The following USP22 variants were observed in gnomAD, a reference collection of about 807,000 sequenced individuals.
USP22 encodes ubiquitin carboxyl-terminal hydrolase 22.
A neutral mutation model predicts 68.1 loss-of-function variants in USP22; 22 were observed. The observed-to-expected ratio is 0.32, with a 90% CI of 0.23 to 0.46. The LOEUF is 0.46. Among genes scored for constraint, USP22 ranks in the 20% least tolerant of loss-of-function variants. The pLI, the probability that USP22 is intolerant of heterozygous loss-of-function variation, is 1.00. For missense variants in USP22, 433 were observed against 695.8 expected, an observed-to-expected ratio of 0.62 and a Z score of 4.25; for synonymous variants, 279 against 274.2, an observed-to-expected ratio of 1.02 and a Z score of -0.17.
intron 1 of USP22, among the ~76,000 whole-genome samples, chr17:21,039,785 T>A (rs943764423): frequency 6.6e-5 from 10 of 152,234 alleles, no homozygotes; most frequent in African/African-American, 2.2e-4. Flanking sequence ...AAAGTACCTT[T>A]GTTTGTTTAC....
chr17:21,033,818 C>G (rs4985822), intron 1 of USP22, among the ~76,000 whole-genome samples: 150,611 of 151,718 alleles, frequency 0.99, 74,795 homozygotes, highest in Middle Eastern at 1. Flanking sequence ...GCGTAATCTC[C>G]GCTAACTGCA....
chr17:21,007,351 C>G (rs1385399788), intron 9 of USP22, among the ~76,000 whole-genome samples: 3 of 152,176 alleles, frequency 2.0e-5, no homozygotes, highest in Non-Finnish European at 2.9e-5. Flanking sequence ...TTGCCTAGAT[C>G]AGGAGTCACC....
intron 12 of USP22, among the ~76,000 whole-genome samples, 173 bp from the exon 13 acceptor site, chr17:21,003,246 G>A (rs1913654007): frequency 1.3e-5 from 2 of 151,924 alleles, no homozygotes; most frequent in African/African-American, 2.4e-5. Flanking sequence ...TCACTGGCTG[G>A]TGGCACTGGC....
At chr17:21,014,979 AG>A (rs2143558829) in intron 6 of USP22, among the ~76,000 whole-genome samples, 1 of 152,280 alleles carries the variant, frequency 6.6e-6, no homozygotes, top group African/African-American at 2.4e-5. Context: ...CACGGGCTTT[AG>A]GAAGACCTGC....
chr17:21,023,791 C>A (rs921972567), intron 2 of USP22, among the ~76,000 whole-genome samples: 3 of 152,168 alleles, frequency 2.0e-5, no homozygotes, highest in Non-Finnish European at 2.9e-5. Context: ...CAGCTGTGCA[C>A]CTTTCATCAA....
At position 21,007,473 on chromosome 17, in the gene USP22, G is replaced by A. The variant is rs182384980; in HGVS notation, c.1230+397C>T. ...TGATCGCACGCAGCCTGTGGAGCTC[G>A]ACATCTTCAGTTATCTGGGCCTTTA... On this transcript the variant is annotated intron_variant, in intron 9 of 12. Coordinates refer to ENST00000261497, the MANE Select transcript of USP22 (RefSeq NM_015276.2). Among the ~76,000 whole-genome samples, 60 of 152,292 alleles carry A rather than the reference G, an allele frequency of 3.9e-4. No homozygotes were observed. The East Asian group carries it at 0.011, about 27-fold the overall frequency.
At chr17:21,005,136 A>G (rs1459112723) in intron 10 of USP22, 146 bp from the exon 11 acceptor site, 3 of 912,510 alleles carry the variant, frequency 3.3e-6, no homozygotes, top group South Asian at 3.1e-5. Flanking sequence ...AAATCTCCCC[A>G]TGTTTCGTGA....
At chr17:21,028,491 G>A (rs1205738466) in intron 2 of USP22, 51 bp downstream of exon 2, 5 of 1,598,670 alleles carry the variant, frequency 3.1e-6, no homozygotes, top group African/African-American at 2.7e-5. Flanking sequence ...AAATCAAAGA[G>A]TAGCAATTTG....
At position 21,017,935 on chromosome 17, in the gene USP22, C is replaced by T. The variant is rs371124581; in HGVS notation, c.690+7G>A. 5.0e-6 allele frequency: 8 copies of T among 1,613,556 alleles called. No homozygotes were observed. Among genetic ancestry groups the T allele is most frequent in the African/African-American group, 1.3e-5 (1 of 74,882 alleles). ...AATGTTCCCCTGCAGAAGTCAATGG[C>T]GCTCACCTCCTGAAACAGTGAGGAC... is the stretch of plus-strand genomic sequence containing the variant. On this transcript the variant is annotated splice_region_variant and intron_variant, in intron 5 of 12. Transcript: ENST00000261497.
Position 21,000,513 on chromosome 17 carries a change from C to A in USP22, c.*2518G>T, listed in dbSNP as rs1913527108. ...TGTGACTCCATCTCTCTTCCCAGTT[C>A]TAATGTTCTCAGAACAGCAGCCACC... On this transcript the variant is annotated 3_prime_UTR_variant, in exon 13 of 13. Coordinates refer to ENST00000261497, the MANE Select transcript of USP22 (RefSeq NM_015276.2). 1 of 152,252 alleles carries A rather than the reference C, an allele frequency of 6.6e-6. No individual in the cohort carries two copies. Among genetic ancestry groups the A allele is most frequent in the Non-Finnish European group, 1.5e-5 (1 of 68,092 alleles). 9.4% of individuals were successfully genotyped at this position (152,252 alleles called of 1,614,324 possible). A position where few individuals can be genotyped will look rare whatever the true frequency, so the allele number is the denominator to read the frequency against.
intron 6 of USP22, among the ~76,000 whole-genome samples, chr17:21,014,936 C>T (rs1914083742): frequency 6.6e-6 from 1 of 151,146 alleles, no homozygotes. Flanking sequence ...GAAGCCCCTG[C>T]CCCCCACAGA....
chr17:21,028,689 A>C lies in USP22; in HGVS notation c.172-15T>G, dbSNP rs1228304774. ...CAGGACTTGGCCTGAAATTCAGAGA[A>C]GAGGAGGAGTGAACGCTGTGTGATA... On this transcript the variant is annotated splice_polypyrimidine_tract_variant and intron_variant, in intron 1 of 12. Coordinates refer to ENST00000261497, the MANE Select transcript of USP22 (RefSeq NM_015276.2). The C allele has an allele frequency of 6.2e-7, 1 of 1,612,988 alleles. No individual in the cohort carries two copies. The highest frequency in any genetic ancestry group is 8.5e-7 in the Non-Finnish European group (1 of 1,179,840).
rs149456701 is a variant in USP22, at chr17:21,007,216, C to T, written c.1231-229G>A. On this transcript the variant is annotated intron_variant, in intron 9 of 12. Coordinates refer to ENST00000261497, the MANE Select transcript of USP22 (RefSeq NM_015276.2). ...AAATGATGGGACTGTTCAGTGGTAA[C>T]ACCAAGGGTACAAAAAGTAATCTTA... is the stretch of plus-strand genomic sequence containing the variant. Among the ~76,000 whole-genome samples, 679 of 152,316 alleles carry T rather than the reference C, an allele frequency of 4.5e-3. 8 individuals carry two copies. Among genetic ancestry groups the T allele is most frequent in the African/African-American group, 0.015 (644 of 41,558 alleles).
rs118156562 is a variant in USP22 at position 21,017,299 on chromosome 17, C to T, written c.690+643G>A. On this transcript the variant is annotated intron_variant, in intron 5 of 12. Coordinates refer to ENST00000261497, the MANE Select transcript of USP22 (RefSeq NM_015276.2). ...TGTTGGCTGGCTCCTGTGCAAGGCA[C>T]CTGAAGAACAGGCACCAGCCTGCTT... Among the ~76,000 whole-genome samples, 82 of 152,288 alleles carry T rather than the reference C, an allele frequency of 5.4e-4. 1 individual carries two copies. The East Asian group carries it at 0.014, about 27-fold the overall frequency.
At chr17:21,033,511 G>A (rs1308376143) in intron 1 of USP22, among the ~76,000 whole-genome samples, 1 of 152,078 alleles carries the variant, frequency 6.6e-6, no homozygotes, top group Admixed American at 6.5e-5. Flanking sequence ...CAGAGCCCTT[G>A]TAGTCAACCA....
At chr17:21,006,745 T>G in intron 10 of USP22, 151 bp downstream of exon 10, 1 of 499,742 alleles carries the variant, frequency 2.0e-6, no homozygotes, top group South Asian at 3.3e-5. Context: ...CCTCATGATC[T>G]GCCCGCTTCG....
rs115864171 is a variant in USP22 at position 21,034,624 on chromosome 17, T to C, written c.172-5950A>G. Among the ~76,000 whole-genome samples the C allele has an allele frequency of 6.8e-3, 1,041 of 152,312 alleles. 12 individuals are homozygous for C. The highest frequency in any genetic ancestry group is 0.023 in the African/African-American group (972 of 41,570). Reference sequence around the variant, plus strand: ...CTTTGTCCAGCTTCTCCGTGCCATCTAGGCCACCTGCCCGTTAAGTCACTT... The same window carrying C: ...CTTTGTCCAGCTTCTCCGTGCCATCCAGGCCACCTGCCCGTTAAGTCACTT... On this transcript the variant is annotated intron_variant, in intron 1 of 12. Coordinates refer to ENST00000261497, the MANE Select transcript of USP22 (RefSeq NM_015276.2).
chr17:21,036,686 G>A (rs1972362332), intron 1 of USP22, among the ~76,000 whole-genome samples: 1 of 152,168 alleles, frequency 6.6e-6, no homozygotes, highest in South Asian at 2.1e-4. Flanking sequence ...GGGAAGGCTA[G>A]AATAATCCCT....
intron 10 of USP22, 51 bp downstream of exon 10, chr17:21,006,845 G>A: frequency 6.9e-7 from 1 of 1,455,430 alleles, no homozygotes; most frequent in Non-Finnish European, 9.2e-7. Context: ...TTCCTGTCCT[G>A]ATAGGATCAC....
Sources: allele counts gnomAD v4.1 joint callset (sites outside exome capture counted in the v4.1 genomes callset), GRCh38; gene constraint gnomAD v4.1.1; transcripts MANE v1.5; gene names NCBI Gene and HGNC (gene_info 2026-07-23, HGNC 2026-07-21).